Variants in CTDSPL2 observed in about 807,000 individuals in gnomAD.
CTDSPL2 encodes the protein CTD small phosphatase like 2, also known as CTD small phosphatase-like protein 2.
CTDSPL2 carries 5 observed loss-of-function variants against 60.0 expected under a neutral mutation model. The ratio of observed to expected loss-of-function variants is 0.08; its 90% confidence interval spans 0.04 to 0.18. The LOEUF is 0.18. CTDSPL2 is among the 10% of genes least tolerant of loss of function. The pLI, the probability that CTDSPL2 is intolerant of heterozygous loss-of-function variation, is 1.00. For missense variants in CTDSPL2, 370 were observed against 548.8 expected (o/e 0.67, Z 3.26); for synonymous variants, 186 against 189.3 (o/e 0.98, Z 0.14).
At chr15:44,474,768 A>G (rs1877454143) in intron 2 of CTDSPL2, among the ~76,000 whole-genome samples, 1 of 152,128 alleles carries the variant, frequency 6.6e-6, no homozygotes, top group South Asian at 2.1e-4. Flanking sequence ...AGGCAGGAGA[A>G]TTGCTTGAAC....
chr15:44,522,356 A>G (rs914154479), intron 12 of CTDSPL2, among the ~76,000 whole-genome samples: 7 of 152,130 alleles, frequency 4.6e-5, no homozygotes, highest in African/African-American at 1.7e-4. Context: ...TTTATATATT[A>G]TATTAACATT....
At chr15:44,477,190 C>A (rs2080935814) in intron 2 of CTDSPL2, among the ~76,000 whole-genome samples, 1 of 152,022 alleles carries the variant, frequency 6.6e-6, no homozygotes, top group Non-Finnish European at 1.5e-5. Flanking sequence ...GATTGTGCCA[C>A]TGCACTCTAG....
At chr15:44,428,185 G>C (rs1283162030) in intron 1 of CTDSPL2, 2 of 152,460 alleles carry the variant, frequency 1.3e-5, no homozygotes, top group East Asian at 1.9e-4. Flanking sequence ...GTGCTTTTAG[G>C]GGGGCGTTGC....
At chr15:44,433,113 G>A (rs1471080629) in intron 1 of CTDSPL2, among the ~76,000 whole-genome samples, 6 of 151,424 alleles carry the variant, frequency 4.0e-5, no homozygotes, top group Non-Finnish European at 5.9e-5. Context: ...TTAGGAGTTC[G>A]AGACCAGCCT....
intron 2 of CTDSPL2, among the ~76,000 whole-genome samples, chr15:44,479,241 A>T (rs1010346719): frequency 1.3e-5 from 2 of 151,830 alleles, no homozygotes; most frequent in East Asian, 1.9e-4. Context: ...AAAATTGTTC[A>T]TTTTACCCTC....
At chr15:44,475,638 C>A (rs1179492947) in intron 2 of CTDSPL2, among the ~76,000 whole-genome samples, 1 of 134,096 alleles carries the variant, frequency 7.5e-6, no homozygotes, top group Non-Finnish European at 1.6e-5. Flanking sequence ...GACTTCGTCT[C>A]AAAAAAAAAA....
chr15:44,489,934 A>G (rs181641911), intron 4 of CTDSPL2, among the ~76,000 whole-genome samples: 9 of 152,322 alleles, frequency 5.9e-5, no homozygotes, highest in African/African-American at 2.2e-4. Context: ...TTCAATTAGT[A>G]TATTGGTATG....
chr15:44,460,500 A>ATT (rs2080545288), intron 2 of CTDSPL2, among the ~76,000 whole-genome samples: 1 of 152,176 alleles, frequency 6.6e-6, no homozygotes, highest in African/African-American at 2.4e-5. Flanking sequence ...GTGTTCTTAG[A>ATT]ATAATTATTT....
intron 5 of CTDSPL2, among the ~76,000 whole-genome samples, chr15:44,493,908 C>T (rs1001591306): frequency 6.6e-6 from 1 of 151,738 alleles, no homozygotes; most frequent in African/African-American, 2.4e-5. Flanking sequence ...AGCATAATGT[C>T]AGAGATGAAA....
intron 2 of CTDSPL2, among the ~76,000 whole-genome samples, chr15:44,465,704 C>G (rs1296298851): frequency 6.7e-6 from 1 of 148,786 alleles, no homozygotes; most frequent in African/African-American, 2.5e-5. Context: ...GGGAATTTTC[C>G]TCCTCCTCTT....
chr15:44,453,422 T>C, intron 1 of CTDSPL2, among the ~76,000 whole-genome samples: 1 of 152,184 alleles, frequency 6.6e-6, no homozygotes, highest in South Asian at 2.1e-4. Flanking sequence ...TTTTGTTTTT[T>C]ACTTAAATTC....
intron 4 of CTDSPL2, among the ~76,000 whole-genome samples, chr15:44,489,332 A>T (rs889394968): frequency 6.6e-6 from 1 of 152,140 alleles, no homozygotes; most frequent in Admixed American, 6.6e-5. Flanking sequence ...GGGATCAAGG[A>T]TACTGAGGCT....
chr15:44,448,448 C>A (rs991779450), intron 1 of CTDSPL2: 2 of 245,560 alleles, frequency 8.1e-6, no homozygotes, highest in Non-Finnish European at 1.6e-5. Context: ...CTGGCACCCC[C>A]AGTGTAGTCA....
At chr15:44,523,197 A>G (rs2081813077) in intron 12 of CTDSPL2, among the ~76,000 whole-genome samples, 1 of 152,088 alleles carries the variant, frequency 6.6e-6, no homozygotes, top group African/African-American at 2.4e-5. Context: ...GGGTTTCACC[A>G]CATTGGCCAG....
chr15:44,456,912 T>C (rs2080459230), intron 1 of CTDSPL2, among the ~76,000 whole-genome samples: 1 of 149,746 alleles, frequency 6.7e-6, no homozygotes, highest in Admixed American at 6.7e-5. Flanking sequence ...AGGCTCTCAC[T>C]GTCGCCCAGG....
chr15:44,440,702 T>C (rs2080067983), intron 1 of CTDSPL2, among the ~76,000 whole-genome samples: 1 of 152,224 alleles, frequency 6.6e-6, no homozygotes, highest in Non-Finnish European at 1.5e-5. Context: ...GTTGAATGCT[T>C]TGCCTCTTGA....
chr15:44,469,784 T>G (rs1458989053), intron 2 of CTDSPL2, among the ~76,000 whole-genome samples: 1 of 152,076 alleles, frequency 6.6e-6, no homozygotes, highest in Non-Finnish European at 1.5e-5. Flanking sequence ...GAAAGCAAGT[T>G]TATTAAAGAA....
chr15:44,479,856 CTA>C lies in CTDSPL2; in HGVS notation c.187-4365_187-4364del, dbSNP rs528277620. On this transcript the variant is annotated intron_variant, in intron 2 of 12. Coordinates refer to ENST00000260327, the MANE Select transcript of CTDSPL2 (RefSeq NM_016396.3). ...AGTAGTTTTGTGTGGGATTTGATAT[CTA>C]TACTTTCTTGCTCATTTTTATGTGA... Among the ~76,000 whole-genome samples the C allele has an allele frequency of 4.5e-3, 682 of 152,222 alleles. 4 individuals are homozygous for C. The highest frequency in any genetic ancestry group is 0.016 in the African/African-American group (649 of 41,528).
chr15:44,428,655 C>T (rs894625444), intron 1 of CTDSPL2, among the ~76,000 whole-genome samples: 2 of 152,186 alleles, frequency 1.3e-5, no homozygotes, highest in African/African-American at 4.8e-5. Context: ...AGGGATTTAT[C>T]TTCCTAATGC....
Sources: allele counts gnomAD v4.1 joint callset (sites outside exome capture counted in the v4.1 genomes callset), GRCh38; gene constraint gnomAD v4.1.1; transcripts MANE v1.5; gene names NCBI Gene and HGNC (gene_info 2026-07-23, HGNC 2026-07-21).